Variants in PCDHGA5 observed in about 807,000 individuals in gnomAD.
The protein encoded by PCDHGA5 is protocadherin gamma subfamily A, 5, also known as protocadherin gamma-A5.
A neutral mutation model predicts 56.7 loss-of-function variants in PCDHGA5; 36 were observed. That is an observed-to-expected ratio of 0.64 (90% CI 0.49 to 0.84). The LOEUF (loss-of-function observed/expected upper bound fraction) is 0.84. PCDHGA5 is among the 40% of genes least tolerant of loss of function. The pLI, the probability that PCDHGA5 is intolerant of heterozygous loss-of-function variation, is 0.00. For synonymous variants in PCDHGA5, 563 were observed against 520.2 expected, an observed-to-expected ratio of 1.08 and a Z score of -1.12; for missense variants, 1,305 against 1,201.5, an observed-to-expected ratio of 1.09 and a Z score of -1.27.
Position 141,476,129 on chromosome 5 carries a change from G to T in PCDHGA5, c.2422-18678G>T, listed in dbSNP as rs2099385585. 6.2e-7 allele frequency: 1 copy of T among 1,606,848 alleles called. No homozygotes were observed. The highest frequency in any genetic ancestry group is 1.3e-5 in the African/African-American group (1 of 75,000). On this transcript the variant is annotated intron_variant, in intron 1 of 3. Transcript: ENST00000518069. The surrounding 1 kb of genome is among the most constrained non-coding windows in gnomAD (Gnocchi z 7.6). ...GCTTTTGAGTGAGATGGTCCCAGAG[G>T]CCTGGAGGAGCGGACTGGTAAGCAC...
rs201669321 is a variant in PCDHGA5, at chr5:141,375,837, G to A, written c.2421+9086G>A. The A allele has an allele frequency of 2.1e-5, 34 of 1,613,980 alleles. No individual in the cohort carries two copies. Among genetic ancestry groups the A allele is most frequent in the Non-Finnish European group, 2.6e-5 (31 of 1,180,040 alleles). Reference sequence around the variant, plus strand: ...CTGGCGCCCCGCTCCGCAGAGCCCGGCTACCTGGTGACCAAGGTGGTGGCG... The same window carrying A: ...CTGGCGCCCCGCTCCGCAGAGCCCGACTACCTGGTGACCAAGGTGGTGGCG... On this transcript the variant is annotated intron_variant, in intron 1 of 3. Coordinates refer to ENST00000518069, the MANE Select transcript of PCDHGA5 (RefSeq NM_018918.3).
chr5:141,369,623 T>A (rs996291828), intron 1 of PCDHGA5, among the ~76,000 whole-genome samples: 4 of 152,224 alleles, frequency 2.6e-5, no homozygotes, highest in Admixed American at 2.6e-4. Flanking sequence ...CATTTCCTCA[T>A]TACCTTTAAC....
intron 1 of PCDHGA5, chr5:141,414,585 C>CA: frequency 6.2e-7 from 1 of 1,613,968 alleles, no homozygotes; most frequent in East Asian, 2.2e-5. Flanking sequence ...AGAACAACGC[C>CA]AGGGGTGCCT....
intron 1 of PCDHGA5, chr5:141,375,280 C>A (rs771324220): frequency 6.2e-7 from 1 of 1,613,794 alleles, no homozygotes; most frequent in Admixed American, 1.7e-5. Flanking sequence ...AATCAGTTGG[C>A]AATTATTATC....
At chr5:141,415,177 G>A (rs758980730) in intron 1 of PCDHGA5, 26 of 1,613,808 alleles carry the variant, frequency 1.6e-5, no homozygotes, top group East Asian at 4.5e-5. Flanking sequence ...CACCGTGGCC[G>A]TGGCCGACAG....
intron 1 of PCDHGA5, chr5:141,413,835 C>T (rs762735722): frequency 1.9e-6 from 3 of 1,613,258 alleles, no homozygotes. Context: ...CCGCCTCCGA[C>T]GGGGGTGACC....
chr5:141,366,894 T>A, intron 1 of PCDHGA5, 143 bp downstream of exon 1: 1 of 1,215,552 alleles, frequency 8.2e-7, no homozygotes, highest in Non-Finnish European at 1.1e-6. Flanking sequence ...TTTATATAAT[T>A]CATGCTTTCT....
chr5:141,478,249 A>T, intron 1 of PCDHGA5: 1 of 1,614,110 alleles, frequency 6.2e-7, no homozygotes, highest in African/African-American at 1.3e-5. Context: ...CAGTGTTCGG[A>T]GTAATCATAT....
intron 1 of PCDHGA5, among the ~76,000 whole-genome samples, chr5:141,381,364 G>T (rs1777146369): frequency 6.6e-6 from 1 of 152,216 alleles, no homozygotes; most frequent in Non-Finnish European, 1.5e-5. Context: ...GCAGAGGGTA[G>T]CCTCGGATCC....
chr5:141,398,962 T>A lies in PCDHGA5; in HGVS notation c.2421+32211T>A, dbSNP rs568248356. ...CGAGGGCATCAACTCAGAAATTACT[T>A]ATTCCTTCTACAGAACCGGGCAAAT... On this transcript the variant is annotated intron_variant, in intron 1 of 3. Coordinates refer to ENST00000518069, the MANE Select transcript of PCDHGA5 (RefSeq NM_018918.3). The A allele has an allele frequency of 2.6e-5, 42 of 1,613,934 alleles. No individual in the cohort carries two copies. Among genetic ancestry groups the A allele is most frequent in the Middle Eastern group, 3.3e-4 (2 of 6,062 alleles).
At chr5:141,464,913 AT>A (rs1366203949) in intron 1 of PCDHGA5, among the ~76,000 whole-genome samples, 1 of 151,428 alleles carries the variant, frequency 6.6e-6, no homozygotes, top group Non-Finnish European at 1.5e-5. Context: ...TAATTTTTTT[AT>A]TTTTTTGTAG....
chr5:141,388,480 C>T (rs751470350), intron 1 of PCDHGA5: 3 of 1,613,758 alleles, frequency 1.9e-6, no homozygotes, highest in Non-Finnish European at 2.5e-6. Flanking sequence ...TTGAAGACAC[C>T]TTTGGACAGA....
chr5:141,489,597 A>T lies in PCDHGA5; in HGVS notation c.2422-5210A>T. The T allele has an allele frequency of 6.2e-7, 1 of 1,614,100 alleles. No individual in the cohort carries two copies. Among genetic ancestry groups the T allele is most frequent in the African/African-American group, 1.3e-5 (1 of 75,040 alleles). ...AACACCCCCTGGAGCTAATCCGTGT[A>T]GAGGTAGAGATCCTGGATCTCAATG... On this transcript the variant is annotated intron_variant, in intron 1 of 3. Transcript: ENST00000518069. The surrounding 1 kb of genome is among the most constrained non-coding windows in gnomAD (Gnocchi z 4.5).
At chr5:141,408,776 C>A in intron 1 of PCDHGA5, 2 of 1,611,684 alleles carry the variant, frequency 1.2e-6, no homozygotes, top group Non-Finnish European at 1.7e-6. Flanking sequence ...TGGCAAATAC[C>A]CAGAGTTATC....
chr5:141,455,133 C>G (rs1172825339), intron 1 of PCDHGA5, among the ~76,000 whole-genome samples: 2 of 151,392 alleles, frequency 1.3e-5, no homozygotes, highest in African/African-American at 4.9e-5. Context: ...TTAAATTACA[C>G]TGTGTTAAAT....
At chr5:141,388,920 A>G in intron 1 of PCDHGA5, 2 of 1,613,996 alleles carry the variant, frequency 1.2e-6, no homozygotes, top group Non-Finnish European at 1.7e-6. Flanking sequence ...CCCAGAAGTG[A>G]TATTCCAGTC....
chr5:141,389,286 T>C, intron 1 of PCDHGA5: 1 of 1,614,018 alleles, frequency 6.2e-7, no homozygotes, highest in Non-Finnish European at 8.5e-7. Context: ...GCCTGGAGCC[T>C]CTATTTCACA....
Position 141,388,695 on chromosome 5 carries a change from G to A in PCDHGA5, c.2421+21944G>A, listed in dbSNP as rs2091456760. On this transcript the variant is annotated intron_variant, in intron 1 of 3. Coordinates refer to ENST00000518069, the MANE Select transcript of PCDHGA5 (RefSeq NM_018918.3). ...ACAGGTGACTGCCACGGACCAGGAT[G>A]AGGGTGTCAATGCCGAGATTACTTT... The A allele has an allele frequency of 3.7e-6, 6 of 1,614,018 alleles. No homozygotes were observed. Among genetic ancestry groups the A allele is most frequent in the Middle Eastern group, 1.6e-4 (1 of 6,062 alleles).
At chr5:141,478,586 T>C (rs754157570) in intron 1 of PCDHGA5, 6 of 1,576,788 alleles carry the variant, frequency 3.8e-6, no homozygotes, top group Non-Finnish European at 3.4e-6. Context: ...GTTAGTGCTT[T>C]TTTATTCCTA....
Sources: allele counts gnomAD v4.1 joint callset (sites outside exome capture counted in the v4.1 genomes callset), GRCh38; gene constraint gnomAD v4.1.1; non-coding constraint Gnocchi (gnomAD v3.1); transcripts MANE v1.5; gene names NCBI Gene and HGNC (gene_info 2026-07-23, HGNC 2026-07-21).